Variants in ARHGAP19 observed in about 807,000 individuals in gnomAD.
The protein encoded by ARHGAP19 is Rho GTPase activating protein 19.
A neutral mutation model predicts 60.9 loss-of-function variants in ARHGAP19; 48 were observed. The observed-to-expected ratio is 0.79, with a 90% confidence interval of 0.62 to 1.00. The LOEUF (loss-of-function observed/expected upper bound fraction) is 1.00, where lower values mean the gene tolerates loss of function less well. Ranked by LOEUF, ARHGAP19 falls within the 50% of genes least tolerant of loss-of-function variation. The pLI, the probability that ARHGAP19 is intolerant of heterozygous loss-of-function variation, is 0.00. For missense variants in ARHGAP19, 562 were observed against 597.2 expected (o/e 0.94, Z 0.61); for synonymous variants, 209 against 215.5 (o/e 0.97, Z 0.27).
intron 8 of ARHGAP19, among the ~76,000 whole-genome samples, chr10:97,239,551 GGTGTGTGTGTGTGTGTGTGTGTGTGTGT>G (rs201308961): frequency 1.5e-4 from 3 of 20,292 alleles, no homozygotes; most frequent in Non-Finnish European, 4.4e-4. Context: ...AGAGAGAGAG[GGTGTGTGTGTGTGTGTGTGTGTGTGTGT>G]GTGTGTGTGT....
chr10:97,270,302 A>G (rs1252245942), intron 1 of ARHGAP19, among the ~76,000 whole-genome samples: 9 of 152,214 alleles, frequency 5.9e-5, no homozygotes, highest in Non-Finnish European at 5.9e-5. Flanking sequence ...CTGGTAAAAC[A>G]ATATCTAAGA....
At chr10:97,272,514 T>C (rs1209668579) in intron 1 of ARHGAP19, among the ~76,000 whole-genome samples, 1 of 152,208 alleles carries the variant, frequency 6.6e-6, no homozygotes, top group Non-Finnish European at 1.5e-5. Context: ...GATGAAGCCA[T>C]CTGAACCTAG....
At chr10:97,274,810 G>A (rs946874864) in intron 1 of ARHGAP19, among the ~76,000 whole-genome samples, 6 of 152,128 alleles carry the variant, frequency 3.9e-5, no homozygotes, top group Non-Finnish European at 8.8e-5. Flanking sequence ...AGATATGTAG[G>A]CATACAGAAA....
chr10:97,246,441 T>A, intron 6 of ARHGAP19, 104 bp from the exon 7 acceptor site: 1 of 918,996 alleles, frequency 1.1e-6, no homozygotes, highest in Non-Finnish European at 1.7e-6. Context: ...ACCAGCAGAT[T>A]ACTTTTAAAA....
At chr10:97,230,828 C>T (rs1039024747) in intron 9 of ARHGAP19, among the ~76,000 whole-genome samples, 13 of 151,930 alleles carry the variant, frequency 8.6e-5, no homozygotes, top group African/African-American at 2.7e-4. Flanking sequence ...CACTTTGGGA[C>T]GCTGAGGCGG....
At chr10:97,244,387 A>C (rs974323911) in intron 7 of ARHGAP19, among the ~76,000 whole-genome samples, 4 of 152,156 alleles carry the variant, frequency 2.6e-5, no homozygotes, top group Non-Finnish European at 5.9e-5. Context: ...GTGCATTTGG[A>C]ATACTGCCAC....
At chr10:97,273,642 T>C (rs1030502061) in intron 1 of ARHGAP19, among the ~76,000 whole-genome samples, 2 of 151,510 alleles carry the variant, frequency 1.3e-5, no homozygotes, top group African/African-American at 2.4e-5. Context: ...GTGAGTGCCA[T>C]TGTGCCCAGC....
chr10:97,270,967 G>A (rs1055924593), intron 1 of ARHGAP19, among the ~76,000 whole-genome samples: 10 of 152,008 alleles, frequency 6.6e-5, no homozygotes, highest in Non-Finnish European at 1.3e-4. Context: ...ATGGGGGAGG[G>A]GTGATCCCTA....
chr10:97,284,309 G>C (rs1843125655), intron 1 of ARHGAP19, among the ~76,000 whole-genome samples: 1 of 152,086 alleles, frequency 6.6e-6, no homozygotes, highest in Admixed American at 6.6e-5. Context: ...TTTTAGTAGA[G>C]ACAGGGTTTC....
At chr10:97,276,848 G>A (rs1341516256) in intron 1 of ARHGAP19, among the ~76,000 whole-genome samples, 1 of 9,636 alleles carries the variant, frequency 1.0e-4, no homozygotes, top group African/African-American at 1.3e-4. Flanking sequence ...CAGCCCCCCT[G>A]CCCGGCCAGC....
chr10:97,253,208 T>C (rs1842711095), intron 6 of ARHGAP19, among the ~76,000 whole-genome samples: 1 of 151,932 alleles, frequency 6.6e-6, no homozygotes, highest in African/African-American at 2.4e-5. Flanking sequence ...TGAAAACCTG[T>C]CTCTACCAAA....
At chr10:97,253,742 T>C (rs549476652) in intron 6 of ARHGAP19, among the ~76,000 whole-genome samples, 1 of 152,270 alleles carries the variant, frequency 6.6e-6, no homozygotes, top group Non-Finnish European at 1.5e-5. Context: ...TAACAAAATA[T>C]CATATGTACC....
intron 1 of ARHGAP19, among the ~76,000 whole-genome samples, chr10:97,267,979 T>A (rs1003652578): frequency 1.7e-4 from 26 of 152,276 alleles, no homozygotes; most frequent in Admixed American, 2.6e-4. Context: ...CCTCCTTATC[T>A]ACGCAAATTT....
chr10:97,254,640 A>C (rs1171397593), intron 6 of ARHGAP19, among the ~76,000 whole-genome samples: 1 of 152,212 alleles, frequency 6.6e-6, no homozygotes, highest in African/African-American at 2.4e-5. Context: ...GATTTCTTGG[A>C]TATGACACCA....
intron 1 of ARHGAP19, among the ~76,000 whole-genome samples, 190 bp downstream of exon 1, chr10:97,292,382 G>T (rs1022676063): frequency 6.6e-6 from 1 of 152,236 alleles, no homozygotes; most frequent in Non-Finnish European, 1.5e-5. Flanking sequence ...GGACCGAGCG[G>T]GGGGTTTGGC....
intron 9 of ARHGAP19, among the ~76,000 whole-genome samples, chr10:97,230,836 C>T (rs1050982169): frequency 6.6e-6 from 1 of 152,008 alleles, no homozygotes; most frequent in Non-Finnish European, 1.5e-5. Flanking sequence ...GACGCTGAGG[C>T]GGGTGAATCG....
chr10:97,247,118 C>T (rs571817824), intron 6 of ARHGAP19, among the ~76,000 whole-genome samples: 105 of 151,290 alleles, frequency 6.9e-4, no homozygotes, highest in African/African-American at 2.5e-3. Flanking sequence ...GCCTGGGCAA[C>T]AAGAGCGAAA....
In ARHGAP19 at chr10:97,224,183, C is replaced by G. The variant is rs1850855511; in HGVS notation, c.*1939G>C. The G allele has an allele frequency of 1.3e-5, 2 of 152,136 alleles. No homozygotes were observed. Among genetic ancestry groups the G allele is most frequent in the African/African-American group, 4.8e-5 (2 of 41,412 alleles). The allele number at this position is 152,136 out of a possible 1,614,324, so 9.4% of individuals were successfully genotyped here. ...CCTGATGCCAGCCCTGTTTAACAGA[C>G]CATAGCACCACTTCGGGATGAAGCA... On this transcript the variant is annotated 3_prime_UTR_variant, in exon 12 of 12. Transcript: ENST00000358531.
rs1487415567 is a variant in ARHGAP19 at position 97,223,395 on chromosome 10, T to C, written c.*2727A>G. 6.6e-6 allele frequency: 1 copy of C among 152,194 alleles called. No homozygotes were observed. The highest frequency in any genetic ancestry group is 1.9e-4 in the East Asian group (1 of 5,200). 9.4% of individuals were successfully genotyped at this position (152,194 alleles called of 1,614,324 possible). A position where few individuals can be genotyped will look rare whatever the true frequency, so the allele number is the denominator to read the frequency against. On this transcript the variant is annotated 3_prime_UTR_variant, in exon 12 of 12. Coordinates refer to ENST00000358531, the MANE Select transcript of ARHGAP19 (RefSeq NM_032900.6). ...TGGTCCCAATGCAAAAGTCTATCAT[T>C]GTAAAAGGTGAGAAATTCCAACGCC...
Sources: gnomAD v4.1 joint callset for allele counts (sites outside exome capture counted in the v4.1 genomes callset) on GRCh38, gnomAD v4.1.1 for gene constraint, MANE v1.5 for transcripts, NCBI Gene and HGNC (gene_info 2026-07-23, HGNC 2026-07-21) for gene names.